The following NLRC5 variants were observed in gnomAD, a reference collection of about 807,000 sequenced individuals.
NLRC5 encodes protein NLRC5.
In NLRC5, 114 loss-of-function variants were observed where a neutral mutation model predicts 206.9. The observed-to-expected ratio is 0.55, with a 90% CI of 0.47 to 0.64. NLRC5 has a LOEUF of 0.64. Ranked by LOEUF, NLRC5 falls within the 30% of genes least tolerant of loss-of-function variation. The pLI, the probability that NLRC5 is intolerant of heterozygous loss-of-function variation, is 0.00. For missense variants in NLRC5, 2,008 were observed against 2,305.5 expected (o/e 0.87, Z 2.64); for synonymous variants, 952 against 962.8 (o/e 0.99, Z 0.21).
In NLRC5 at chr16:57,066,535, A is replaced by G. The variant is rs1322645240; in HGVS notation, c.4243A>G (p.Ile1415Val). 2 of 1,613,948 alleles carry G rather than the reference A, an allele frequency of 1.2e-6. No homozygotes were observed. The highest frequency in any genetic ancestry group is 1.1e-5 in the South Asian group (1 of 91,070). Residue 1415 changes from isoleucine (I) to valine (V), a missense_variant and splice_region_variant, in exon 34 of 49, where the codon ATC becomes GTC. By Grantham distance (29) the Ile-to-Val change is conservative. Coordinates refer to ENST00000688547, the MANE Select transcript of NLRC5 (RefSeq NM_001384950.1). Reference sequence around the variant, plus strand: ...CGTTGGTTACTGCTCACTCCTCAGCATCTCCGAGACCCAGCAGCAGCTCTG... The same window carrying G: ...CGTTGGTTACTGCTCACTCCTCAGCGTCTCCGAGACCCAGCAGCAGCTCTG... ...QASGSVTEIS[I>V]SETQQQLCVQ... is the part of the protein sequence containing the mutation.
chr16:57,039,757 C>T, intron 15 of NLRC5, 24 bp from the exon 16 acceptor site: 2 of 1,609,558 alleles, frequency 1.2e-6, no homozygotes, highest in Non-Finnish European at 1.7e-6. Context: ...CTCTCGCTTC[C>T]TCACCCCTCT....
chr16:57,052,214 T>C (rs2065014419), intron 24 of NLRC5, among the ~76,000 whole-genome samples: 1 of 152,258 alleles, frequency 6.6e-6, no homozygotes, highest in Non-Finnish European at 1.5e-5. Flanking sequence ...GGCTCATGCC[T>C]GTAATCCCGG....
intron 5 of NLRC5, among the ~76,000 whole-genome samples, chr16:57,024,407 C>T (rs911357502): frequency 5.3e-4 from 81 of 152,218 alleles, no homozygotes; most frequent in African/African-American, 1.9e-3. Flanking sequence ...TCTCTGCCCC[C>T]ACTGCTGCCA....
intron 38 of NLRC5, among the ~76,000 whole-genome samples, chr16:57,071,040 G>A (rs78980737): frequency 1.5e-4 from 9 of 59,720 alleles, no homozygotes; most frequent in East Asian, 1.6e-3. Flanking sequence ...GGGGAAGGGG[G>A]TGAGTGAGTG....
At chr16:57,021,099 A>G in intron 3 of NLRC5, 92 bp downstream of exon 3, 1 of 1,152,014 alleles carries the variant, frequency 8.7e-7, no homozygotes, top group South Asian at 1.4e-5. Context: ...TAAGTCAGAG[A>G]GAGGGTGTAG....
intron 33 of NLRC5, among the ~76,000 whole-genome samples, chr16:57,066,325 A>G (rs907851714): frequency 1.3e-5 from 2 of 151,898 alleles, no homozygotes; most frequent in East Asian, 3.9e-4. Context: ...AAAAAAAAGA[A>G]AGAGAAAAAT....
At chr16:57,040,759 C>T (rs59957141) in intron 17 of NLRC5, 41 bp downstream of exon 17, 55,112 of 1,582,404 alleles carry the variant, frequency 0.035, 1,588 homozygotes, top group African/African-American at 0.15. Flanking sequence ...ATTCCAGCCC[C>T]CTCCCTTCCC....
At position 57,030,438 on chromosome 16, in the gene NLRC5, A is replaced by AGATGGATGGATGGATGGATGGATG. The variant is rs71152231; in HGVS notation, c.2417+359_2417+382dup. ...TGAAAAGATGGATGGGTGGATGAAAAGATGGATGGATGGATGGATGGATGG... is the reference window on the plus strand; with the variant it reads ...TGAAAAGATGGATGGGTGGATGAAAAGATGGATGGATGGATGGATGGATGGATGGATGGATGGATGGATGGATGG... On this transcript the variant is annotated intron_variant, in intron 10 of 48. Transcript: ENST00000688547. 3.4e-3 allele frequency among the ~76,000 whole-genome samples: 301 copies of AGATGGATGGATGGATGGATGGATG among 89,642 alleles called. 26 individuals are homozygous for AGATGGATGGATGGATGGATGGATG. Among genetic ancestry groups the AGATGGATGGATGGATGGATGGATG allele is most frequent in the Middle Eastern group, 0.019 (3 of 156 alleles). 58.8% of individuals were successfully genotyped at this position (89,642 alleles called of 152,430 possible).
chr16:57,001,093 A>T (rs1223250484), intron 1 of NLRC5, among the ~76,000 whole-genome samples: 2 of 152,176 alleles, frequency 1.3e-5, no homozygotes, highest in African/African-American at 4.8e-5. Context: ...CCCGGGGGGA[A>T]GGCAGAGGCG....
At chr16:57,004,705 G>C (rs1270782877) in intron 1 of NLRC5, 1 of 152,332 alleles carries the variant, frequency 6.6e-6, no homozygotes, top group South Asian at 2.1e-4. Flanking sequence ...AAGGCCTGTG[G>C]GCTGCAGGGA....
intron 47 of NLRC5, 57 bp downstream of exon 47, chr16:57,081,238 A>G: frequency 7.4e-6 from 11 of 1,484,922 alleles, no homozygotes; most frequent in Non-Finnish European, 1.0e-5. Flanking sequence ...CATCCCGGGA[A>G]CACCAAGAGG....
intron 2 of NLRC5, among the ~76,000 whole-genome samples, chr16:57,019,207 C>T (rs2060400433): frequency 6.6e-6 from 1 of 152,092 alleles, no homozygotes; most frequent in Admixed American, 6.6e-5. Context: ...CCCAGCCTGG[C>T]CAACATGGTG....
intron 43 of NLRC5, among the ~76,000 whole-genome samples, chr16:57,078,310 C>A (rs1015770424): frequency 1.1e-4 from 16 of 152,120 alleles, no homozygotes; most frequent in African/African-American, 3.9e-4. Context: ...GATCCCAGTT[C>A]ATTGTGCCCT....
Position 57,025,964 on chromosome 16 carries a change from C to T in NLRC5, c.1021C>T (p.Arg341Trp), listed in dbSNP as rs1326254466. Residue 341 changes from arginine (R) to tryptophan (W), a missense_variant, in exon 6 of 49, where the codon CGG becomes TGG. Transcript: ENST00000688547. ...CAATGGGACCCTCCTGCCTGGCTGCCGGGTGATGGCTACCTCCCGTCCAGG... is the reference window on the plus strand; with the variant it reads ...CAATGGGACCCTCCTGCCTGGCTGCTGGGTGATGGCTACCTCCCGTCCAGG... ...LCNGTLLPGC[R>W]VMATSRPGKL... is the part of the protein sequence containing the mutation. The T allele has an allele frequency of 2.2e-5, 35 of 1,614,050 alleles. No individual in the cohort carries two copies. The highest frequency in any genetic ancestry group is 1.6e-4 in the Middle Eastern group (1 of 6,062).
rs150294210 is a variant in NLRC5 at position 57,045,576 on chromosome 16, G to A, written c.3248+84G>A. On this transcript the variant is annotated intron_variant, in intron 21 of 48. Transcript: ENST00000688547. ...GAGGTCCCCCCACCCCCAGACCCAT[G>A]CTGACCACTCAGCTCTCAGTTAAAC... The A allele has an allele frequency of 1.9e-3, 2,518 of 1,358,538 alleles. 19 individuals are homozygous for A. Among genetic ancestry groups the A allele is most frequent in the South Asian group, 6.4e-3 (545 of 85,002 alleles). 84.2% of individuals were successfully genotyped at this position (1,358,538 alleles called of 1,614,324 possible).
intron 13 of NLRC5, among the ~76,000 whole-genome samples, chr16:57,035,571 C>T (rs2062449294): frequency 6.6e-6 from 1 of 152,184 alleles, no homozygotes; most frequent in African/African-American, 2.4e-5. Flanking sequence ...CCACCAGGAA[C>T]ACCCTTCCTC....
At chr16:57,058,040 C>T (rs770474929) in intron 27 of NLRC5, 25 bp from the exon 28 acceptor site, 56 of 1,596,148 alleles carry the variant, frequency 3.5e-5, no homozygotes, top group Middle Eastern at 2.0e-4. Context: ...CTCTGATCCC[C>T]GCCACTGCTC....
chr16:57,082,390 A>T, intron 48 of NLRC5, 27 bp from the exon 49 acceptor site: 1 of 1,531,692 alleles, frequency 6.5e-7, no homozygotes, highest in Admixed American at 1.8e-5. Flanking sequence ...GGGAGGATGA[A>T]TGAGTGCCTA....
At chr16:57,047,339 C>G (rs2144018247) in intron 22 of NLRC5, among the ~76,000 whole-genome samples, 1 of 152,122 alleles carries the variant, frequency 6.6e-6, no homozygotes, top group African/African-American at 2.4e-5. Context: ...CAGCTGGGAA[C>G]TCAGGGTCCT....
Sources: allele counts gnomAD v4.1 joint callset (sites outside exome capture counted in the v4.1 genomes callset), GRCh38; gene constraint gnomAD v4.1.1; transcripts MANE v1.5; gene names NCBI Gene and HGNC (gene_info 2026-07-23, HGNC 2026-07-21).